The following FMN1 variants were observed in gnomAD, a reference collection of about 807,000 sequenced individuals.
FMN1 encodes formin-1.
A neutral mutation model predicts 132.4 loss-of-function variants in FMN1; 110 were observed. The observed-to-expected ratio is 0.83, with a 90% CI of 0.71 to 0.97. FMN1 has a LOEUF of 0.97. Among genes scored for constraint, FMN1 ranks in the 50% least tolerant of loss-of-function variants. FMN1 has a pLI of 0.00. For missense variants in FMN1, 1,792 were observed against 1,705.3 expected (o/e 1.05, Z -0.90); for synonymous variants, 722 against 651.7 (o/e 1.11, Z -1.64).
intron 6 of FMN1, chr15:33,013,191 A>G (rs2034831593): frequency 6.0e-6 from 2 of 331,372 alleles, no homozygotes; most frequent in Admixed American, 4.0e-5. Flanking sequence ...TAGCTGCTAC[A>G]AAGAAGACAT....
In FMN1 at chr15:32,923,301, C is replaced by T. The variant is rs2060879181; in HGVS notation, c.3226+2873G>A. 2.0e-5 allele frequency among the ~76,000 whole-genome samples: 3 copies of T among 152,188 alleles called. No individual in the cohort carries two copies. The South Asian group carries it at 6.2e-4, about 31-fold the overall frequency. ...ACAGGGAGTCCTTTCACCAGGGTGA[C>T]AACACAAGGCCAAGTACATTCCACA... On this transcript the variant is annotated intron_variant, in intron 10 of 20. Coordinates refer to ENST00000616417, the MANE Select transcript of FMN1 (RefSeq NM_001277313.2).
intron 8 of FMN1, among the ~76,000 whole-genome samples, chr15:32,968,304 T>C (rs1056502559): frequency 2.0e-5 from 3 of 152,244 alleles, no homozygotes; most frequent in East Asian, 1.9e-4. Context: ...GGGTTGATTA[T>C]AGTATTTAAA....
chr15:33,138,247 G>C (rs996720342), intron 4 of FMN1, among the ~76,000 whole-genome samples: 13 of 152,176 alleles, frequency 8.5e-5, no homozygotes, highest in African/African-American at 3.1e-4. Flanking sequence ...TTGACTGCCT[G>C]TACTTGAGGG....
chr15:32,950,028 T>TACAC (rs371261228), intron 9 of FMN1, among the ~76,000 whole-genome samples: 2 of 6,340 alleles, frequency 3.2e-4, no homozygotes, highest in African/African-American at 8.7e-4. Context: ...CATATATATA[T>TACAC]ATATACACAT....
At chr15:32,932,577 TG>T (rs1254651474) in intron 9 of FMN1, among the ~76,000 whole-genome samples, 2 of 152,196 alleles carry the variant, frequency 1.3e-5, no homozygotes, top group African/African-American at 4.8e-5. Flanking sequence ...ACTGCTTCCC[TG>T]TTAATTATTC....
chr15:32,824,128 G>A (rs2058306941), intron 17 of FMN1, among the ~76,000 whole-genome samples: 1 of 152,260 alleles, frequency 6.6e-6, no homozygotes, highest in Non-Finnish European at 1.5e-5. Flanking sequence ...CCCCCCGTGA[G>A]AGGGGAAAGG....
chr15:33,121,481 G>A (rs917817858), intron 4 of FMN1, among the ~76,000 whole-genome samples: 13 of 152,132 alleles, frequency 8.5e-5, no homozygotes, highest in South Asian at 6.2e-4. Flanking sequence ...GAAATCATTT[G>A]TCTATTACAC....
chr15:33,023,059 CAAAAAAAA>C (rs758459713), intron 6 of FMN1, among the ~76,000 whole-genome samples: 2 of 53,194 alleles, frequency 3.8e-5, no homozygotes, highest in East Asian at 9.6e-4. Flanking sequence ...CTCCCCCACC[CAAAAAAAA>C]AAAAAAAAAA....
intron 7 of FMN1, among the ~76,000 whole-genome samples, chr15:32,996,476 A>G (rs1481789859): frequency 1.3e-5 from 2 of 152,218 alleles, no homozygotes; most frequent in Admixed American, 1.3e-4. Flanking sequence ...AGGTCAATCC[A>G]GAATCAAAGT....
At chr15:32,859,887 A>G (rs2141306421) in intron 16 of FMN1, among the ~76,000 whole-genome samples, 1 of 152,184 alleles carries the variant, frequency 6.6e-6, no homozygotes, top group South Asian at 2.1e-4. Context: ...AAATTTTTTA[A>G]GTTATCCAGG....
Position 33,008,070 on chromosome 15 carries a change from G to A in FMN1, c.2167C>T (p.Gln723Ter). The A allele has an allele frequency of 6.3e-7, 1 of 1,593,510 alleles. No homozygotes were observed. The highest frequency in any genetic ancestry group is 8.6e-7 in the Non-Finnish European group (1 of 1,168,668). The change falls in exon 7 of 21, where the codon CAA becomes TAA. Residue 723 changes from glutamine to a stop codon, truncating the protein, a stop_gained. Transcript: ENST00000616417. LOFTEE classifies it high-confidence loss of function. ...CTCTTCAAGTGTAAAATAGCAGCTTGGTATTCTGTAAAATCAAAAAAGAGG... is the reference window on the plus strand; with the variant it reads ...CTCTTCAAGTGTAAAATAGCAGCTTAGTATTCTGTAAAATCAAAAAAGAGG... ...VGLKYTEAEY[Q>*]AAILHLKREH...
chr15:32,777,615 T>TATAACACTTTATATATTACGTATAAC (rs1422144852), intron 19 of FMN1, among the ~76,000 whole-genome samples: 34 of 103,140 alleles, frequency 3.3e-4, no homozygotes, highest in African/African-American at 1.3e-3. Flanking sequence ...ACGTATAACA[T>TATAACACTTTATATATTACGTATAAC]AACACATTTA....
At chr15:32,942,552 T>G (rs1218519385) in intron 9 of FMN1, among the ~76,000 whole-genome samples, 1 of 152,182 alleles carries the variant, frequency 6.6e-6, no homozygotes, top group Non-Finnish European at 1.5e-5. Flanking sequence ...GCTACAAAAT[T>G]AAGAGAAACA....
chr15:32,890,970 C>T (rs4779596), intron 15 of FMN1, among the ~76,000 whole-genome samples: 4 of 152,036 alleles, frequency 2.6e-5, no homozygotes, highest in African/African-American at 7.3e-5. Flanking sequence ...AGCCAATTAT[C>T]CCAGCACCAT....
Position 32,833,980 on chromosome 15 carries a change from C to T in FMN1, c.3928+23035G>A, listed in dbSNP as rs149606587. Among the ~76,000 whole-genome samples the T allele has an allele frequency of 2.5e-3, 375 of 152,278 alleles. 2 individuals carry two copies. Among genetic ancestry groups the T allele is most frequent in the African/African-American group, 8.5e-3 (352 of 41,556 alleles). ...ACTGCAGCAGGATTTTGAGAACCAT[C>T]GCCCTTTGTCATCTTCACCCTGACC... On this transcript the variant is annotated intron_variant, in intron 17 of 20. Coordinates refer to ENST00000616417, the MANE Select transcript of FMN1 (RefSeq NM_001277313.2).
intron 17 of FMN1, among the ~76,000 whole-genome samples, chr15:32,839,618 G>C (rs2058702059): frequency 6.6e-6 from 1 of 151,982 alleles, no homozygotes; most frequent in African/African-American, 2.4e-5. Context: ...GGCTTCTTGA[G>C]ACAAGAGACT....
intron 7 of FMN1, among the ~76,000 whole-genome samples, chr15:32,984,978 CAAAAAAAAAAAAAA>C (rs11330959): frequency 1.0e-5 from 1 of 97,266 alleles, no homozygotes; most frequent in Admixed American, 1.1e-4. Flanking sequence ...CATCCATCAC[CAAAAAAAAAAAAAA>C]AAAAAAAAGA....
At chr15:33,192,279 T>C (rs1966106954) in intron 2 of FMN1, among the ~76,000 whole-genome samples, 1 of 152,192 alleles carries the variant, frequency 6.6e-6, no homozygotes, top group Admixed American at 6.5e-5. Context: ...TCACATCAAG[T>C]TCCAGTCTGT....
intron 9 of FMN1, among the ~76,000 whole-genome samples, chr15:32,955,142 T>C (rs1482582381): frequency 3.3e-5 from 5 of 152,218 alleles, no homozygotes; most frequent in Non-Finnish European, 7.3e-5. Flanking sequence ...GGGTTTTTGA[T>C]CAAATTAGTT....
Sources: allele counts gnomAD v4.1 joint callset (sites outside exome capture counted in the v4.1 genomes callset), GRCh38; gene constraint gnomAD v4.1.1; transcripts MANE v1.5; gene names NCBI Gene and HGNC (gene_info 2026-07-23, HGNC 2026-07-21).